The following GRM7 variants were observed in gnomAD, a reference collection of about 807,000 sequenced individuals.
GRM7 encodes the protein metabotropic glutamate receptor 7.
In GRM7, 35 loss-of-function variants were observed where a neutral mutation model predicts 84.5. The observed-to-expected ratio is 0.41, with a 90% confidence interval of 0.32 to 0.55. The LOEUF is 0.55. GRM7 is among the 20% of genes least tolerant of loss of function. The probability of loss-of-function intolerance (pLI) is 0.19; values close to 1 mark genes in which losing one functional copy is unlikely to be tolerated. For synonymous variants in GRM7, 487 were observed against 455.1 expected (o/e 1.07, Z -0.89); for missense variants, 1,003 against 1,194.6 (o/e 0.84, Z 2.36).
chr3:7,613,907 A>T (rs527866852), intron 8 of GRM7, among the ~76,000 whole-genome samples: 41 of 152,214 alleles, frequency 2.7e-4, no homozygotes, highest in Non-Finnish European at 4.4e-5. Flanking sequence ...TCAAATGTTA[A>T]TTTAAAAATT....
At chr3:7,052,559 A>G (rs903343337) in intron 1 of GRM7, among the ~76,000 whole-genome samples, 12 of 151,112 alleles carry the variant, frequency 7.9e-5, no homozygotes, top group Non-Finnish European at 3.0e-5. Flanking sequence ...TCCCACCTCC[A>G]TATACACACA....
intron 2 of GRM7, among the ~76,000 whole-genome samples, chr3:7,276,043 G>A (rs918735461): frequency 2.6e-5 from 4 of 152,110 alleles, no homozygotes; most frequent in Non-Finnish European, 5.9e-5. Context: ...GTTAGGGGCA[G>A]CAGTTTGTCC....
intron 1 of GRM7, among the ~76,000 whole-genome samples, chr3:6,927,514 A>G (rs1045537634): frequency 2.0e-5 from 3 of 151,262 alleles, no homozygotes; most frequent in East Asian, 3.9e-4. Flanking sequence ...AGAAAGAAAG[A>G]AAGAAGAGAA....
At chr3:7,454,888 G>A (rs991041214) in intron 6 of GRM7, among the ~76,000 whole-genome samples, 7 of 152,028 alleles carry the variant, frequency 4.6e-5, no homozygotes, top group Admixed American at 6.6e-5. Flanking sequence ...TGGTACACTG[G>A]TAAAAATGAG....
In GRM7 at chr3:7,119,802, C is replaced by T. The variant is rs73808696; in HGVS notation, c.520-26650C>T. Among the ~76,000 whole-genome samples the T allele has an allele frequency of 5.1e-4, 78 of 152,184 alleles. 1 individual carries two copies. Among genetic ancestry groups the T allele is most frequent in the African/African-American group, 1.7e-3 (72 of 41,554 alleles). On this transcript the variant is annotated intron_variant, in intron 1 of 9. Transcript: ENST00000357716. ...ATGAATTTGCATTAGGTTTATTCAA[C>T]GTAGAACAAAATCAGGTCAATATCT...
At chr3:7,341,140 T>C (rs1508722) in intron 4 of GRM7, among the ~76,000 whole-genome samples, 60,518 of 151,976 alleles carry the variant, frequency 0.4, 12,239 homozygotes, top group South Asian at 0.46. Flanking sequence ...AGAAGAATCA[T>C]TTACCCGAAA....
At chr3:6,952,468 G>A (rs1692826256) in intron 1 of GRM7, among the ~76,000 whole-genome samples, 1 of 152,176 alleles carries the variant, frequency 6.6e-6, no homozygotes, top group Non-Finnish European at 1.5e-5. Context: ...CTGGTATTCT[G>A]TCCTATTAAT....
At chr3:7,063,780 A>G (rs1424427156) in intron 1 of GRM7, among the ~76,000 whole-genome samples, 2 of 151,754 alleles carry the variant, frequency 1.3e-5, no homozygotes, top group African/African-American at 4.8e-5. Flanking sequence ...AAGTAACACA[A>G]GAAAAAATAT....
intron 4 of GRM7, among the ~76,000 whole-genome samples, chr3:7,364,020 A>G (rs181805414): frequency 1.1e-3 from 165 of 152,202 alleles, no homozygotes; most frequent in Middle Eastern, 6.8e-3. Context: ...TATGTATATT[A>G]TGGGTATATC....
intron 5 of GRM7, among the ~76,000 whole-genome samples, chr3:7,448,096 C>T (rs968842804): frequency 2.4e-4 from 37 of 151,694 alleles, no homozygotes; most frequent in Non-Finnish European, 4.9e-4. Flanking sequence ...TTTTTATGGC[C>T]GCATAGTATT....
At chr3:6,893,689 C>T (rs1696059044) in intron 1 of GRM7, among the ~76,000 whole-genome samples, 1 of 152,158 alleles carries the variant, frequency 6.6e-6, no homozygotes, top group Admixed American at 6.6e-5. Context: ...TTAACATTTA[C>T]TAACACCCAC....
chr3:7,260,881 T>C (rs145165083), intron 2 of GRM7, among the ~76,000 whole-genome samples: 58 of 152,370 alleles, frequency 3.8e-4, no homozygotes, highest in African/African-American at 1.3e-3. Context: ...CTGTTAATAC[T>C]ACCTTAGCTG....
At chr3:7,673,693 G>T (rs756725020) in intron 8 of GRM7, among the ~76,000 whole-genome samples, 23 of 152,290 alleles carry the variant, frequency 1.5e-4, no homozygotes, top group Non-Finnish European at 5.9e-5. Context: ...GAGGTTGATT[G>T]TAAAACTGTG....
intron 8 of GRM7, among the ~76,000 whole-genome samples, chr3:7,581,929 C>T (rs1047958504): frequency 1.3e-5 from 2 of 151,896 alleles, no homozygotes; most frequent in Non-Finnish European, 2.9e-5. Context: ...TATGGGAGAC[C>T]ACTGCTATCT....
At chr3:7,574,312 C>G (rs1452484864) in intron 7 of GRM7, among the ~76,000 whole-genome samples, 4 of 151,758 alleles carry the variant, frequency 2.6e-5, no homozygotes, top group Admixed American at 2.6e-4. Flanking sequence ...GGTGCCCACC[C>G]CCATGCCTGG....
intron 5 of GRM7, among the ~76,000 whole-genome samples, chr3:7,443,693 A>G: frequency 6.6e-6 from 1 of 152,118 alleles, no homozygotes; most frequent in Admixed American, 6.6e-5. Flanking sequence ...TATGTATTTG[A>G]CAGAATTTCT....
chr3:7,722,724 G>A (rs954639794), intron 9 of GRM7, among the ~76,000 whole-genome samples: 10 of 152,102 alleles, frequency 6.6e-5, no homozygotes, highest in Admixed American at 5.9e-4. Context: ...TTACAGGTGT[G>A]AGCCACCACG....
intron 1 of GRM7, among the ~76,000 whole-genome samples, chr3:7,130,484 A>C (rs1264962284): frequency 6.6e-6 from 1 of 151,026 alleles, no homozygotes; most frequent in Non-Finnish European, 1.5e-5. Context: ...TGGAGGTTGC[A>C]GGGAGCCGAG....
intron 1 of GRM7, among the ~76,000 whole-genome samples, chr3:7,107,117 T>A (rs921883551): frequency 3.4e-4 from 52 of 152,014 alleles, no homozygotes; most frequent in African/African-American, 1.2e-3. Flanking sequence ...ACTCAAAACA[T>A]GTAACATTTA....
Sources: gnomAD v4.1 joint callset for allele counts (sites outside exome capture counted in the v4.1 genomes callset) on GRCh38, gnomAD v4.1.1 for gene constraint, MANE v1.5 for transcripts, NCBI Gene and HGNC (gene_info 2026-07-23, HGNC 2026-07-21) for gene names.